WDR5: variants seen among roughly 807,000 people sequenced by gnomAD.
The protein encoded by WDR5 is WD repeat domain 5.
For missense variants in WDR5, 187 were observed against 416.9 expected (o/e 0.45, Z 4.80); for synonymous variants, 144 against 161.6 (o/e 0.89, Z 0.83).
In WDR5 at chr9:134,140,942, A is replaced by G. The variant is rs557523997; in HGVS notation, c.190+131A>G. The G allele has an allele frequency of 1.3e-3, 1,035 of 826,238 alleles. 1 individual carries two copies. The highest frequency in any genetic ancestry group is 1.7e-3 in the Non-Finnish European group (871 of 501,220). The allele number at this position is 826,238 out of a possible 1,614,324, so 51.2% of individuals were successfully genotyped here. A position where few individuals can be genotyped will look rare whatever the true frequency, so the allele number is the denominator to read the frequency against. On this transcript the variant is annotated intron_variant, in intron 3 of 13. Transcript: ENST00000358625. Reference sequence around the variant, plus strand: ...AGCAGGCCGCTGGGGGGCACGTAGCAGGCGGGTGTGTCTCCTCCTGGAACT... The same window carrying G: ...AGCAGGCCGCTGGGGGGCACGTAGCGGGCGGGTGTGTCTCCTCCTGGAACT...
At chr9:134,142,869 G>T (rs1831964655) in intron 7 of WDR5, 150 bp downstream of exon 7, 1 of 786,024 alleles carries the variant, frequency 1.3e-6, no homozygotes. Flanking sequence ...GAGCAATCAG[G>T]TTGGAGGCTG....
chr9:134,147,972 T>C (rs1167146470), intron 7 of WDR5, among the ~76,000 whole-genome samples: 1 of 151,956 alleles, frequency 6.6e-6, no homozygotes, highest in Admixed American at 6.6e-5. Flanking sequence ...CTGGCCAATA[T>C]GGTGAAACCC....
chr9:134,158,022 G>A lies in WDR5; in HGVS notation c.*29G>A. 1.2e-6 allele frequency: 2 copies of A among 1,605,392 alleles called. No individual in the cohort carries two copies. The highest frequency in any genetic ancestry group is 1.7e-6 in the Non-Finnish European group (2 of 1,172,246). ...CCTTTGCTCCTGCCCGCGAGAGACTGTCGGGAAGTTGACCCGGATTGGCAA... is the reference window on the plus strand; with the variant it reads ...CCTTTGCTCCTGCCCGCGAGAGACTATCGGGAAGTTGACCCGGATTGGCAA... On this transcript the variant is annotated 3_prime_UTR_variant, in exon 14 of 14. Coordinates refer to ENST00000358625, the MANE Select transcript of WDR5 (RefSeq NM_017588.3).
chr9:134,139,300 C>A (rs139215035), intron 1 of WDR5, among the ~76,000 whole-genome samples: 2 of 152,172 alleles, frequency 1.3e-5, no homozygotes, highest in Non-Finnish European at 2.9e-5. Flanking sequence ...CTGGAGCCCC[C>A]CCATGAGGCG....
rs886280233 is a variant in WDR5, at chr9:134,149,721, A to T, written c.584+1378A>T. Among the ~76,000 whole-genome samples, 8 of 152,360 alleles carry T rather than the reference A, an allele frequency of 5.3e-5. No individual in the cohort carries two copies. The South Asian group carries it at 1.7e-3, about 32-fold the overall frequency. ...CAAATGAGAACATAGATGATATAAG[A>T]TGTCTTCTTTGATGAGGCTAGTAAT... On this transcript the variant is annotated intron_variant, in intron 8 of 13. Coordinates refer to ENST00000358625, the MANE Select transcript of WDR5 (RefSeq NM_017588.3).
rs1020962826 is a variant in WDR5, at chr9:134,136,177, G to C, written c.-82G>C. On this transcript the variant is annotated 5_prime_UTR_variant, in exon 1 of 14. Coordinates refer to ENST00000358625, the MANE Select transcript of WDR5 (RefSeq NM_017588.3). ...GGCCGACGCGACGCCCCGAGCGCCCGGCCCCGCCGCCGCGGCCCGGCAGGT... is the reference window on the plus strand; with the variant it reads ...GGCCGACGCGACGCCCCGAGCGCCCCGCCCCGCCGCCGCGGCCCGGCAGGT... The C allele has an allele frequency of 6.8e-6, 1 of 147,582 alleles. No individual in the cohort carries two copies. Among genetic ancestry groups the C allele is most frequent in the African/African-American group, 2.4e-5 (1 of 40,942 alleles). The allele number at this position is 147,582 out of a possible 1,614,324, so 9.1% of individuals were successfully genotyped here.
In WDR5 at chr9:134,136,106, G is replaced by C. The variant is rs887764698; in HGVS notation, c.-153G>C. 8.0e-6 allele frequency: 1 copy of C among 125,320 alleles called. No homozygotes were observed. Among genetic ancestry groups the C allele is most frequent in the African/African-American group, 2.9e-5 (1 of 33,926 alleles). 7.8% of individuals were successfully genotyped at this position (125,320 alleles called of 1,614,324 possible). A position where few individuals can be genotyped will look rare whatever the true frequency, so the allele number is the denominator to read the frequency against. On this transcript the variant is annotated 5_prime_UTR_variant, in exon 1 of 14. Coordinates refer to ENST00000358625, the MANE Select transcript of WDR5 (RefSeq NM_017588.3). ...CGCCCCCGCCGCCTGGCGCCCGCCC[G>C]AGCTGCCGCCTTGTCGAGCTGAGTC...
intron 2 of WDR5, 33 bp downstream of exon 2, chr9:134,139,991 G>T (rs1409534383): frequency 1.9e-6 from 3 of 1,610,984 alleles, no homozygotes; most frequent in African/African-American, 1.3e-5. Context: ...GACACCTTCC[G>T]GGGGCAAATA....
At position 134,158,026 on chromosome 9, in the gene WDR5, G is replaced by C; in HGVS notation, c.*33G>C. Reference sequence around the variant, plus strand: ...TGCTCCTGCCCGCGAGAGACTGTCGGGAAGTTGACCCGGATTGGCAAGAAA... The same window carrying C: ...TGCTCCTGCCCGCGAGAGACTGTCGCGAAGTTGACCCGGATTGGCAAGAAA... On this transcript the variant is annotated 3_prime_UTR_variant, in exon 14 of 14. Coordinates refer to ENST00000358625, the MANE Select transcript of WDR5 (RefSeq NM_017588.3). 2 of 1,603,482 alleles carry C rather than the reference G, an allele frequency of 1.2e-6. No homozygotes were observed. Among genetic ancestry groups the C allele is most frequent in the Non-Finnish European group, 1.7e-6 (2 of 1,170,676 alleles).
Position 134,156,491 on chromosome 9 carries a change from C to T in WDR5, c.817-15C>T. On this transcript the variant is annotated splice_polypyrimidine_tract_variant and intron_variant, in intron 12 of 13. Coordinates refer to ENST00000358625, the MANE Select transcript of WDR5 (RefSeq NM_017588.3). ...GCTTTTCCTTGCCCTGTTTTCCCTG[C>T]TTGTTGTTACGTAGTGGATTGTGTC... The T allele has an allele frequency of 6.2e-7, 1 of 1,613,622 alleles. No homozygotes were observed. The highest frequency in any genetic ancestry group is 1.1e-5 in the South Asian group (1 of 91,072).
intron 13 of WDR5, among the ~76,000 whole-genome samples, chr9:134,156,917 C>G (rs1276131009): frequency 2.6e-5 from 4 of 152,200 alleles, no homozygotes; most frequent in Non-Finnish European, 5.9e-5. Context: ...GTTTCCTGGG[C>G]TGGGGACAGT....
chr9:134,150,937 A>G (rs528194631), intron 8 of WDR5, among the ~76,000 whole-genome samples: 1 of 152,330 alleles, frequency 6.6e-6, no homozygotes, highest in East Asian at 1.9e-4. Context: ...AAATGCTAAG[A>G]TGTTTAGGAA....
At chr9:134,148,213 AGATC>A in intron 7 of WDR5, 71 bp from the exon 8 acceptor site, 2 of 231,552 alleles carry the variant, frequency 8.6e-6, no homozygotes, top group Non-Finnish European at 1.6e-5. Flanking sequence ...TTTTTTTTTG[AGATC>A]AGGTAAGAAG....
rs200518087 is a variant in WDR5, at chr9:134,156,606, G to A, written c.904+13G>A. 3.8e-5 allele frequency: 61 copies of A among 1,613,524 alleles called. No homozygotes were observed. In the East Asian group the frequency reaches 6.5e-4, roughly 17 times the overall value. ...CAAGGCCACACAGGTGAGGGCCTGC[G>A]CTCCTGCAGTCACTGGCTGCCTGTT... On this transcript the variant is annotated intron_variant, in intron 13 of 13. Transcript: ENST00000358625.
chr9:134,135,774 G>A (rs1217452587), upstream of WDR5: 1 of 152,232 alleles, frequency 6.6e-6, no homozygotes. Flanking sequence ...GCAGGTCCCG[G>A]AGGGCCGCTG....
At chr9:134,139,399 A>T (rs146607783) in intron 1 of WDR5, among the ~76,000 whole-genome samples, 45 of 152,202 alleles carry the variant, frequency 3.0e-4, no homozygotes, top group Admixed American at 1.0e-3. Context: ...TTTGGATGTG[A>T]TCCCAAATTT....
intron 4 of WDR5, among the ~76,000 whole-genome samples, 160 bp downstream of exon 4, chr9:134,141,743 A>G (rs1831899263): frequency 6.6e-6 from 1 of 152,158 alleles, no homozygotes; most frequent in Non-Finnish European, 1.5e-5. Context: ...TAACCCAAAT[A>G]ACATTTGACT....
At chr9:134,147,148 A>G (rs1832250168) in intron 7 of WDR5, among the ~76,000 whole-genome samples, 1 of 152,298 alleles carries the variant, frequency 6.6e-6, no homozygotes, top group African/African-American at 2.4e-5. Flanking sequence ...ACATGTTACC[A>G]AAGTAATTTC....
chr9:134,149,836 G>A (rs1323533992), intron 8 of WDR5, among the ~76,000 whole-genome samples: 2 of 152,204 alleles, frequency 1.3e-5, no homozygotes, highest in East Asian at 1.9e-4. Flanking sequence ...GGAGGAAGCG[G>A]GAGTCAGAAG....
Sources: allele counts gnomAD v4.1 joint callset (sites outside exome capture counted in the v4.1 genomes callset), GRCh38; gene constraint gnomAD v4.1.1; transcripts MANE v1.5; gene names NCBI Gene and HGNC (gene_info 2026-07-23, HGNC 2026-07-21).